The following SLC24A2 variants were observed in gnomAD, a reference collection of about 807,000 sequenced individuals.
The protein encoded by SLC24A2 is solute carrier family 24 member 2, also known as sodium/potassium/calcium exchanger 2.
SLC24A2 carries 36 observed loss-of-function variants against 62.0 expected under a neutral mutation model. The observed-to-expected ratio is 0.58, with a 90% CI of 0.44 to 0.77. The LOEUF (loss-of-function observed/expected upper bound fraction) is 0.77, where lower values mean the gene tolerates loss of function less well. SLC24A2 is among the 30% of genes least tolerant of loss of function. The probability of loss-of-function intolerance (pLI) is 0.00; values close to 1 mark genes in which losing one functional copy is unlikely to be tolerated. For missense variants in SLC24A2, 846 were observed against 817.9 expected, an observed-to-expected ratio of 1.03 and a Z score of -0.42; for synonymous variants, 358 against 294.0, an observed-to-expected ratio of 1.22 and a Z score of -2.23.
At chr9:20,114,849 C>T in the SLC24A2 span, among the ~76,000 whole-genome samples, 10 of 152,116 alleles carry the variant, frequency 6.6e-5, no homozygotes, top group Non-Finnish European at 1.3e-4. Flanking sequence ...AGAAACTTTC[C>T]TTCTACCCCT....
chr9:20,249,252 A>C, the SLC24A2 span, among the ~76,000 whole-genome samples: 483 of 152,276 alleles, frequency 3.2e-3, no homozygotes, highest in Non-Finnish European at 4.5e-3. Flanking sequence ...GCATATTGTG[A>C]GTGCTCAAAA....
chr9:19,730,595 T>A (rs1034573167), intron 2 of SLC24A2, among the ~76,000 whole-genome samples: 4 of 152,132 alleles, frequency 2.6e-5, no homozygotes, highest in African/African-American at 9.6e-5. Flanking sequence ...AACTTATATA[T>A]TAAATTTAAA....
At chr9:19,860,039 A>T in the SLC24A2 span, among the ~76,000 whole-genome samples, 2 of 152,104 alleles carry the variant, frequency 1.3e-5, no homozygotes, top group Non-Finnish European at 2.9e-5. Context: ...TACAACTCCT[A>T]GGCAGTCCTA....
At chr9:20,253,488 C>T in the SLC24A2 span, among the ~76,000 whole-genome samples, 1 of 152,210 alleles carries the variant, frequency 6.6e-6, no homozygotes, top group Admixed American at 6.6e-5. Context: ...GAGACCAAAT[C>T]TCACTATTGT....
the SLC24A2 span, among the ~76,000 whole-genome samples, chr9:20,280,704 C>T: frequency 6.6e-6 from 1 of 152,108 alleles, no homozygotes; most frequent in East Asian, 1.9e-4. Flanking sequence ...TGAATGTAGC[C>T]TTATTGGTAA....
intron 8 of SLC24A2, among the ~76,000 whole-genome samples, chr9:19,545,095 T>C (rs1834484487): frequency 6.6e-6 from 1 of 152,130 alleles, no homozygotes; most frequent in Non-Finnish European, 1.5e-5. Flanking sequence ...TTTCACATAG[T>C]CCCATATTTC....
the SLC24A2 span, among the ~76,000 whole-genome samples, chr9:19,923,004 T>C: frequency 2.0e-5 from 3 of 149,610 alleles, no homozygotes; most frequent in South Asian, 2.1e-4. Context: ...TATATATTTA[T>C]ATATATAAAA....
At chr9:20,254,244 A>ATGC in the SLC24A2 span, among the ~76,000 whole-genome samples, 1 of 152,306 alleles carries the variant, frequency 6.6e-6, no homozygotes, top group African/African-American at 2.4e-5. Flanking sequence ...TGGCTCTATT[A>ATGC]TGCCTCTGTT....
chr9:19,906,889 C>T, the SLC24A2 span, among the ~76,000 whole-genome samples: 1 of 152,116 alleles, frequency 6.6e-6, no homozygotes, highest in Non-Finnish European at 1.5e-5. Flanking sequence ...CCGAATTCTA[C>T]CAGAGGTACA....
At chr9:20,277,746 G>A in the SLC24A2 span, among the ~76,000 whole-genome samples, 48,598 of 152,012 alleles carry the variant, frequency 0.32, 8,212 homozygotes, top group African/African-American at 0.42. Flanking sequence ...GTATATACCC[G>A]AAGGATTATA....
the SLC24A2 span, among the ~76,000 whole-genome samples, chr9:20,170,770 T>C: frequency 2.8e-4 from 42 of 152,078 alleles, no homozygotes; most frequent in African/African-American, 9.4e-4. Context: ...AGAAGAAAAA[T>C]CTAAAAGTTT....
chr9:20,014,577 C>T, the SLC24A2 span, among the ~76,000 whole-genome samples: 1 of 151,578 alleles, frequency 6.6e-6, no homozygotes, highest in East Asian at 1.9e-4. Flanking sequence ...CTGTCACTTG[C>T]AACACCATGG....
At chr9:20,266,406 C>T in the SLC24A2 span, among the ~76,000 whole-genome samples, 1 of 152,118 alleles carries the variant, frequency 6.6e-6, no homozygotes, top group Non-Finnish European at 1.5e-5. Context: ...TTCCCCAATA[C>T]CCAGTCTCTG....
chr9:20,001,142 G>A, the SLC24A2 span, among the ~76,000 whole-genome samples: 5 of 152,230 alleles, frequency 3.3e-5, no homozygotes, highest in African/African-American at 1.2e-4. Context: ...TGGAGGATCA[G>A]CACTTCGTTT....
intron 7 of SLC24A2, among the ~76,000 whole-genome samples, chr9:19,565,983 T>A (rs1056228788): frequency 6.6e-6 from 1 of 151,870 alleles, no homozygotes; most frequent in Non-Finnish European, 1.5e-5. Flanking sequence ...ATTAAAGACT[T>A]AAATGTTAGA....
chr9:19,875,896 G>A, the SLC24A2 span, among the ~76,000 whole-genome samples: 1 of 152,144 alleles, frequency 6.6e-6, no homozygotes, highest in Non-Finnish European at 1.5e-5. Context: ...CAAGGCACAT[G>A]GATTAACCAA....
intron 2 of SLC24A2, among the ~76,000 whole-genome samples, chr9:19,702,363 C>T (rs2118533741): frequency 6.6e-6 from 1 of 152,274 alleles, no homozygotes; most frequent in African/African-American, 2.4e-5. Context: ...ATATGTTGAG[C>T]CATCTCAGTT....
At chr9:20,157,762 C>G in the SLC24A2 span, among the ~76,000 whole-genome samples, 1 of 151,408 alleles carries the variant, frequency 6.6e-6, no homozygotes. Context: ...AATTATTAAT[C>G]CTACAGAAAT....
chr9:20,199,884 A>C, the SLC24A2 span, among the ~76,000 whole-genome samples: 32 of 133,048 alleles, frequency 2.4e-4, no homozygotes, highest in African/African-American at 9.3e-4. Context: ...ATGCCTGGCT[A>C]ATTTTTTTTT....
Sources: allele counts gnomAD v4.1 joint callset (sites outside exome capture counted in the v4.1 genomes callset), GRCh38; gene constraint gnomAD v4.1.1; transcripts MANE v1.5; gene names NCBI Gene and HGNC (gene_info 2026-07-23, HGNC 2026-07-21).